Variants in HTR1F observed in about 807,000 individuals in gnomAD.
The protein encoded by HTR1F is 5-hydroxytryptamine (serotonin) receptor 1F, G protein-coupled.
A neutral mutation model predicts 24.0 loss-of-function variants in HTR1F; 17 were observed. The observed-to-expected ratio is 0.71, with a 90% CI of 0.48 to 1.06. The LOEUF (loss-of-function observed/expected upper bound fraction) is 1.06, where lower values mean the gene tolerates loss of function less well. Among genes scored for constraint, HTR1F ranks in the 50% least tolerant of loss-of-function variants. HTR1F has a pLI of 0.00. For synonymous variants in HTR1F, 186 were observed against 156.8 expected, an observed-to-expected ratio of 1.19 and a Z score of -1.39; for missense variants, 391 against 427.8, an observed-to-expected ratio of 0.91 and a Z score of 0.76.
chr3:87,824,518 C>T (rs1261685131), intron 2 of HTR1F, among the ~76,000 whole-genome samples: 1 of 152,014 alleles, frequency 6.6e-6, no homozygotes, highest in Non-Finnish European at 1.5e-5. Context: ...CATTTTTTTC[C>T]GTTTTATTCT....
intron 2 of HTR1F, among the ~76,000 whole-genome samples, chr3:87,949,860 C>T (rs912739269): frequency 6.6e-6 from 1 of 152,182 alleles, no homozygotes; most frequent in Non-Finnish European, 1.5e-5. Flanking sequence ...ATGTCTTGGT[C>T]TACTTTACGT....
At chr3:87,880,056 CA>C (rs1433429353) in intron 2 of HTR1F, among the ~76,000 whole-genome samples, 7 of 151,972 alleles carry the variant, frequency 4.6e-5, no homozygotes, top group African/African-American at 1.7e-4. Flanking sequence ...TTACTGAGTG[CA>C]AAAAGCCAGG....
chr3:87,881,021 C>T (rs1054278189), intron 2 of HTR1F, among the ~76,000 whole-genome samples: 24 of 151,822 alleles, frequency 1.6e-4, no homozygotes, highest in African/African-American at 4.1e-4. Flanking sequence ...ACACAGAATA[C>T]GGGTGATTTC....
chr3:87,991,375 A>C lies in HTR1F; in HGVS notation c.626A>C (p.Lys209Thr). The change falls in exon 3 of 3, where the codon AAG (lysine) becomes ACG (threonine). Residue 209 changes from lysine (K) to threonine (T), a missense_variant. Transcript: ENST00000319595. ...TACTACAAAATATATAGAGCAGCAA[A>C]GACATTATACCACAAGAGACAAGCA... ...ILYYKIYRAA[K>T]TLYHKRQASR... The C allele has an allele frequency of 6.2e-7, 1 of 1,614,014 alleles. No individual in the cohort carries two copies. Among genetic ancestry groups the C allele is most frequent in the Non-Finnish European group, 8.5e-7 (1 of 1,180,008 alleles).
At chr3:87,930,471 C>T (rs1004186604) in intron 2 of HTR1F, among the ~76,000 whole-genome samples, 1 of 152,020 alleles carries the variant, frequency 6.6e-6, no homozygotes, top group Non-Finnish European at 1.5e-5. Flanking sequence ...AATACCCAGT[C>T]TATTGAGAGT....
intron 2 of HTR1F, among the ~76,000 whole-genome samples, chr3:87,881,083 A>AGT (rs1350472991): frequency 6.6e-6 from 1 of 150,746 alleles, no homozygotes; most frequent in Non-Finnish European, 1.5e-5. Flanking sequence ...GGTTGGACAT[A>AGT]GTGGGTGCAG....
chr3:87,932,370 T>G (rs1704299671), intron 2 of HTR1F, among the ~76,000 whole-genome samples: 1 of 152,130 alleles, frequency 6.6e-6, no homozygotes, highest in Non-Finnish European at 1.5e-5. Context: ...TGCAGCGTTA[T>G]TTCTGAGGGA....
chr3:87,990,929 T>C lies in HTR1F; in HGVS notation c.180T>C (p.Tyr60=), dbSNP rs781736524. 1.2e-6 allele frequency: 2 copies of C among 1,614,144 alleles called. No individual in the cohort carries two copies. Among genetic ancestry groups the C allele is most frequent in the Admixed American group, 3.3e-5 (2 of 60,014 alleles). The part of the protein sequence containing the change: ...VTRKLHHPAN[Y]LICSLAVTDF... ...GGAAGCTGCACCATCCAGCCAATTA[T>C]TTAATTTGTTCCCTTGCAGTCACAG... The change falls in exon 3 of 3, where the codon TAT becomes TAC. Residue 60 remains tyrosine, a synonymous_variant. Transcript: ENST00000319595.
chr3:87,963,199 C>T (rs908506134), intron 2 of HTR1F, among the ~76,000 whole-genome samples: 2 of 151,942 alleles, frequency 1.3e-5, no homozygotes, highest in African/African-American at 2.4e-5. Context: ...TTGAAGCATC[C>T]TTGTTTTCTT....
At chr3:87,948,760 T>G (rs1704769738) in intron 2 of HTR1F, among the ~76,000 whole-genome samples, 1 of 152,246 alleles carries the variant, frequency 6.6e-6, no homozygotes, top group East Asian at 1.9e-4. Flanking sequence ...ACTCCAGGCA[T>G]GAGCCATCGT....
chr3:87,875,467 A>C (rs1705649747), intron 2 of HTR1F, among the ~76,000 whole-genome samples: 1 of 151,812 alleles, frequency 6.6e-6, no homozygotes, highest in African/African-American at 2.4e-5. Flanking sequence ...GAAAAAAAAA[A>C]CAAACTTCTG....
At chr3:87,929,483 T>C (rs566325313) in intron 2 of HTR1F, among the ~76,000 whole-genome samples, 2 of 152,242 alleles carry the variant, frequency 1.3e-5, no homozygotes, top group African/African-American at 2.4e-5. Context: ...ATAGTAATAA[T>C]AGGATATAAT....
At chr3:87,930,432 G>T (rs1253399486) in intron 2 of HTR1F, among the ~76,000 whole-genome samples, 4 of 152,104 alleles carry the variant, frequency 2.6e-5, no homozygotes, top group Non-Finnish European at 5.9e-5. Context: ...GTCATAGGTG[G>T]CTCTTAATGT....
At chr3:87,907,600 T>C (rs1703695446) in intron 2 of HTR1F, among the ~76,000 whole-genome samples, 1 of 152,022 alleles carries the variant, frequency 6.6e-6, no homozygotes, top group Non-Finnish European at 1.5e-5. Context: ...ATAGTCCCCA[T>C]TTATCCTAGA....
rs141897915 is a variant in HTR1F at position 87,803,746 on chromosome 3, C to A, written c.-160+10904C>A. 4.3e-3 allele frequency among the ~76,000 whole-genome samples: 655 copies of A among 152,224 alleles called. 4 individuals are homozygous for A. The highest frequency in any genetic ancestry group is 0.015 in the African/African-American group (616 of 41,542). On this transcript the variant is annotated intron_variant, in intron 1 of 2. Transcript: ENST00000319595. ...GGAATACTTCTGCCCAGTGTACAAACAATGGAGTAGGTAGAAGAATAATAT... is the reference window on the plus strand; with the variant it reads ...GGAATACTTCTGCCCAGTGTACAAAAAATGGAGTAGGTAGAAGAATAATAT...
chr3:87,936,450 T>C (rs1208860979), intron 2 of HTR1F, among the ~76,000 whole-genome samples: 2 of 152,212 alleles, frequency 1.3e-5, no homozygotes, highest in African/African-American at 4.8e-5. Flanking sequence ...TTTTAAAAAC[T>C]TTATCATCTA....
intron 2 of HTR1F, among the ~76,000 whole-genome samples, chr3:87,947,369 CT>C (rs11315367): frequency 0.17 from 25,420 of 152,020 alleles, 2,246 homozygotes; most frequent in African/African-American, 0.22. Context: ...ATAGTTCTCT[CT>C]TAACAAACAA....
At chr3:87,943,113 T>A (rs138775297) in intron 2 of HTR1F, among the ~76,000 whole-genome samples, 1 of 152,320 alleles carries the variant, frequency 6.6e-6, no homozygotes, top group Non-Finnish European at 1.5e-5. Context: ...CCAATCTCCA[T>A]GTTCTGATTC....
At chr3:87,965,366 A>G (rs1465428443) in intron 2 of HTR1F, among the ~76,000 whole-genome samples, 1 of 152,206 alleles carries the variant, frequency 6.6e-6, no homozygotes, top group Non-Finnish European at 1.5e-5. Context: ...TTTGATACAC[A>G]TCTCCTATCA....
Sources: gnomAD v4.1 joint callset for allele counts (sites outside exome capture counted in the v4.1 genomes callset) on GRCh38, gnomAD v4.1.1 for gene constraint, MANE v1.5 for transcripts, NCBI Gene and HGNC (gene_info 2026-07-23, HGNC 2026-07-21) for gene names.